The following NLRP2 variants were observed in gnomAD, a reference collection of about 807,000 sequenced individuals.
The protein encoded by NLRP2 is NACHT, LRR and PYD domains-containing protein 2.
Under a neutral mutation model 97.2 loss-of-function variants are expected in NLRP2, and 107 were observed. The ratio of observed to expected loss-of-function variants is 1.10; its 90% CI spans 0.94 to 1.29. The LOEUF is 1.29. Ranked by LOEUF, NLRP2 falls within the 50% of genes most tolerant of loss-of-function variation. NLRP2 has a pLI of 0.00. For synonymous variants in NLRP2, 663 were observed against 551.5 expected, an observed-to-expected ratio of 1.20 and a Z score of -2.83; for missense variants, 1,495 against 1,330.3, an observed-to-expected ratio of 1.12 and a Z score of -1.93.
chr19:54,987,295 C>T (rs1241598646), intron 8 of NLRP2, among the ~76,000 whole-genome samples: 1 of 152,148 alleles, frequency 6.6e-6, no homozygotes, highest in African/African-American at 2.4e-5. Context: ...CAAGCAAGAA[C>T]CCTTCAGGAA....
chr19:55,000,970 C>G lies in NLRP2; in HGVS notation c.*72C>G. 2 of 1,395,950 alleles carry G rather than the reference C, an allele frequency of 1.4e-6. No homozygotes were observed. Among genetic ancestry groups the G allele is most frequent in the Non-Finnish European group, 2.0e-6 (2 of 985,080 alleles). The allele number at this position is 1,395,950 out of a possible 1,614,324, so 86.5% of individuals were successfully genotyped here. ...TGTTGGTGAACTGCCTGTGACTCCTCTCCTCCCCGGCCCCTACCCCTCAGG... is the reference window on the plus strand; with the variant it reads ...TGTTGGTGAACTGCCTGTGACTCCTGTCCTCCCCGGCCCCTACCCCTCAGG... On this transcript the variant is annotated 3_prime_UTR_variant, in exon 13 of 13. Transcript: ENST00000448584.
intron 3 of NLRP2, among the ~76,000 whole-genome samples, chr19:54,975,838 C>A (rs953435614): frequency 1.3e-5 from 2 of 152,016 alleles, no homozygotes; most frequent in African/African-American, 4.8e-5. Context: ...GCAGCCTCAA[C>A]CTTCCAGGCT....
At position 54,996,037 on chromosome 19, in the gene NLRP2, CA is replaced by C. The variant is rs544759995; in HGVS notation, c.2880-1264del. ...CCTGGGTGACAGTGAGATCCTGTCT[CA>C]AAAAAAAAAAAAAAACAAAAAAAAC... On this transcript the variant is annotated intron_variant, in intron 11 of 12. Transcript: ENST00000448584. Among the ~76,000 whole-genome samples, 141 of 73,344 alleles carry C rather than the reference CA, an allele frequency of 1.9e-3. 1 individual carries two copies. Among genetic ancestry groups the C allele is most frequent in the East Asian group, 4.8e-3 (11 of 2,308 alleles). The allele number at this position is 73,344 out of a possible 152,430, so 48.1% of individuals were successfully genotyped here.
intron 8 of NLRP2, among the ~76,000 whole-genome samples, chr19:54,987,128 A>ACCCCCCCC (rs763390795): frequency 4.3e-5 from 6 of 138,762 alleles, no homozygotes; most frequent in Non-Finnish European, 7.8e-5. Flanking sequence ...CAGGTGATCT[A>ACCCCCCCC]CCCCCCCACC....
intron 12 of NLRP2, among the ~76,000 whole-genome samples, chr19:55,000,302 T>TTTTTG (rs2073108692): frequency 1.0e-5 from 1 of 98,298 alleles, no homozygotes; most frequent in East Asian, 2.7e-4. Context: ...TTTTTTTTTT[T>TTTTTG]TTTTTTTGAG....
At chr19:54,977,061 C>G (rs1415385429) in intron 3 of NLRP2, 1 of 302,442 alleles carries the variant, frequency 3.3e-6, no homozygotes, top group East Asian at 1.1e-4. Context: ...GATCCGCCTG[C>G]CTTGGCCTCC....
rs372774611 is a variant in NLRP2, at chr19:54,986,243, A to G, written c.2294A>G (p.Asn765Ser). 16 of 1,613,912 alleles carry G rather than the reference A, an allele frequency of 9.9e-6. No individual in the cohort carries two copies. The Admixed American group carries it at 2.0e-4, about 20-fold the overall frequency. The change falls in exon 8 of 13, where the codon AAT (asparagine) becomes AGT (serine). Residue 765 changes from asparagine to serine, a missense_variant. Physicochemically the swap from Asn to Ser is conservative, Grantham distance 46. Transcript: ENST00000448584. ...KTVTYLTLQGNDQDDMFPALC... is the reference protein window; with the variant it reads ...KTVTYLTLQGSDQDDMFPALC... ...GTAACGTATCTGACCCTTCAAGGCAATGACCAGGATGATATGTTTCCCGCA... is the reference window on the plus strand; with the variant it reads ...GTAACGTATCTGACCCTTCAAGGCAGTGACCAGGATGATATGTTTCCCGCA...
In NLRP2 at chr19:54,984,325, T is replaced by TGTGTGTG. The variant is rs113372091; in HGVS notation, c.2030+597_2030+598insGTGTGTG. 9.4e-4 allele frequency among the ~76,000 whole-genome samples: 97 copies of TGTGTGTG among 102,696 alleles called. 2 individuals are homozygous for TGTGTGTG. The highest frequency in any genetic ancestry group is 3.2e-3 in the African/African-American group (71 of 22,196). The allele number at this position is 102,696 out of a possible 152,430, so 67.4% of individuals were successfully genotyped here. Reference sequence around the variant, plus strand: ...AGCTAACTTAAGTGGGGGTTTTTTTTTGTGTTTTTTTTTTTTTTTTTTTTT... The same window carrying TGTGTGTG: ...AGCTAACTTAAGTGGGGGTTTTTTTTGTGTGTGTGTGTTTTTTTTTTTTTTTTTTTTT... On this transcript the variant is annotated intron_variant, in intron 6 of 12. Transcript: ENST00000448584.
chr19:54,977,675 AG>A, intron 3 of NLRP2, 76 bp from the exon 4 acceptor site: 1 of 1,380,266 alleles, frequency 7.2e-7, no homozygotes, highest in Non-Finnish European at 1.0e-6. Context: ...ACTGAGACTC[AG>A]GGGTCCAACT....
rs2072438057 is a variant in NLRP2 at position 54,990,963 on chromosome 19, G to T, written c.2708+291G>T. ...GATGGGATCTCGCCGTGTTGCCTAG[G>T]CTGGTCTCAAACTCCTGAGCTCAAG... On this transcript the variant is annotated intron_variant, in intron 10 of 12. Transcript: ENST00000448584. 6 of 454,340 alleles carry T rather than the reference G, an allele frequency of 1.3e-5. No homozygotes were observed. The East Asian group carries it at 2.5e-4, about 19-fold the overall frequency. 28.1% of individuals were successfully genotyped at this position (454,340 alleles called of 1,614,324 possible).
chr19:54,981,089 C>T (rs190158987), intron 4 of NLRP2, among the ~76,000 whole-genome samples: 107 of 152,242 alleles, frequency 7.0e-4, no homozygotes, highest in Middle Eastern at 3.4e-3. Flanking sequence ...CCAGCCTGGG[C>T]AACAGAGTGA....
At chr19:54,993,854 T>A (rs765652667) in intron 10 of NLRP2, 6 of 299,298 alleles carry the variant, frequency 2.0e-5, no homozygotes, top group Non-Finnish European at 3.9e-5. Flanking sequence ...CTTCTCCAAC[T>A]TCTGTTGGCC....
At chr19:54,971,056 G>C (rs1236402063) in intron 2 of NLRP2, among the ~76,000 whole-genome samples, 8 of 137,772 alleles carry the variant, frequency 5.8e-5, no homozygotes, top group African/African-American at 1.9e-4. Context: ...CCACCTATGA[G>C]TGAGAATATG....
Position 54,986,248 on chromosome 19 carries a change from C to G in NLRP2, c.2299C>G (p.Gln767Glu). 1.9e-6 allele frequency: 3 copies of G among 1,613,960 alleles called. No individual in the cohort carries two copies. Among genetic ancestry groups the G allele is most frequent in the Non-Finnish European group, 2.5e-6 (3 of 1,179,888 alleles). The change falls in exon 8 of 13, where the codon CAG (glutamine) becomes GAG (glutamate). Residue 767 changes from glutamine to glutamate, a missense_variant. Physicochemically the swap from Gln to Glu is conservative, Grantham distance 29. Transcript: ENST00000448584. The stretch of plus-strand genomic sequence containing the variant: ...GTATCTGACCCTTCAAGGCAATGAC[C>G]AGGATGATATGTTTCCCGCATTGTG... ...VTYLTLQGND[Q>E]DDMFPALCEV... is the part of the protein sequence containing the mutation.
intron 8 of NLRP2, chr19:54,989,767 T>G: frequency 5.3e-6 from 3 of 564,666 alleles, no homozygotes; most frequent in East Asian, 3.1e-5. Context: ...GCAGATCACC[T>G]GAGATTGGGA....
In NLRP2 at chr19:54,974,505, G is replaced by A. The variant is rs149284049; in HGVS notation, c.286G>A (p.Ala96Thr). The A allele has an allele frequency of 4.3e-6, 7 of 1,611,326 alleles. No homozygotes were observed. Among genetic ancestry groups the A allele is most frequent in the African/African-American group, 4.0e-5 (3 of 74,866 alleles). ...CCCCCCTTCTCCTTTTTCAGAAGCA[G>A]CTTTGAAATCCTTTAATAAAAGGAA... ...ERAKDEVREA[A>T]LKSFNKRKPL... The change falls in exon 3 of 13, where the codon GCT becomes ACT. Residue 96 changes from alanine (A) to threonine (T), a missense_variant. Ala to Thr is a moderately conservative substitution (Grantham distance 58). Transcript: ENST00000448584.
intron 10 of NLRP2, among the ~76,000 whole-genome samples, chr19:54,992,126 A>G (rs1281537881): frequency 1.3e-5 from 2 of 151,574 alleles, no homozygotes; most frequent in South Asian, 2.1e-4. Context: ...CATGTTGGCC[A>G]GGTTGGTCTC....
chr19:54,973,811 A>G lies in NLRP2; in HGVS notation c.281-689A>G, dbSNP rs1359906756. ...TTCTTTCCATGCCAATAGCGCTCAC[A>G]CAGACATGGTGAATGTTCCTGAAAC... On this transcript the variant is annotated intron_variant, in intron 2 of 12. Transcript: ENST00000448584. 5.0e-6 allele frequency: 3 copies of G among 602,642 alleles called. No individual in the cohort carries two copies. In the African/African-American group the frequency reaches 5.5e-5, roughly 11 times the overall value. 37.3% of individuals were successfully genotyped at this position (602,642 alleles called of 1,614,324 possible).
At chr19:54,988,403 C>A (rs2072238600) in intron 8 of NLRP2, among the ~76,000 whole-genome samples, 1 of 152,020 alleles carries the variant, frequency 6.6e-6, no homozygotes, top group South Asian at 2.1e-4. Context: ...AGTGATTCTT[C>A]TCCGTCAACC....
Sources: gnomAD v4.1 joint callset for allele counts (sites outside exome capture counted in the v4.1 genomes callset) on GRCh38, gnomAD v4.1.1 for gene constraint, MANE v1.5 for transcripts, NCBI Gene and HGNC (gene_info 2026-07-23, HGNC 2026-07-21) for gene names.